The following CA8 variants were observed in gnomAD, a reference collection of about 807,000 sequenced individuals.
CA8 encodes carbonic anhydrase-related protein.
A neutral mutation model predicts 41.4 loss-of-function variants in CA8; 22 were observed. That is an observed-to-expected ratio of 0.53 (90% confidence interval 0.38 to 0.76). The LOEUF (loss-of-function observed/expected upper bound fraction) is 0.76, where lower values mean the gene tolerates loss of function less well. Among genes scored for constraint, CA8 ranks in the 30% least tolerant of loss-of-function variants. The pLI, the probability that CA8 is intolerant of heterozygous loss-of-function variation, is 0.00. For missense variants in CA8, 270 were observed against 352.8 expected (o/e 0.77, Z 1.88); for synonymous variants, 121 against 130.6 (o/e 0.93, Z 0.50).
intron 8 of CA8, 104 bp from the exon 9 acceptor site, chr8:60,190,089 A>C (rs1034707305): frequency 1.3e-5 from 2 of 151,960 alleles, no homozygotes; most frequent in African/African-American, 4.8e-5. Context: ...AAAAACTAAA[A>C]ATTTCATAAG....
chr8:60,275,459 AT>A (rs141813436), intron 2 of CA8, among the ~76,000 whole-genome samples: 3 of 147,356 alleles, frequency 2.0e-5, no homozygotes, highest in African/African-American at 7.6e-5. Context: ...TGGATGTTGT[AT>A]TTTTTTTAAA....
chr8:60,199,962 C>T (rs1200042326), intron 8 of CA8, among the ~76,000 whole-genome samples: 1 of 152,104 alleles, frequency 6.6e-6, no homozygotes, highest in Admixed American at 6.5e-5. Context: ...CAGTGTTTAC[C>T]TTTCTGTTAC....
rs535350919 is a variant in CA8 at position 60,243,674 on chromosome 8, C to T, written c.418-11295G>A. On this transcript the variant is annotated intron_variant, in intron 3 of 8. Transcript: ENST00000317995. ...TCTCACCATGTTCCCCACTAAATCA[C>T]GTTTTCGCCTGGGAGACCAGATCAC... 1.3e-3 allele frequency among the ~76,000 whole-genome samples: 197 copies of T among 152,254 alleles called. 3 individuals are homozygous for T. The highest frequency in any genetic ancestry group is 3.5e-3 in the South Asian group (17 of 4,818).
chr8:60,254,512 G>T (rs957890424), intron 3 of CA8, among the ~76,000 whole-genome samples: 9 of 152,302 alleles, frequency 5.9e-5, no homozygotes, highest in African/African-American at 1.9e-4. Context: ...AAGTTAATTA[G>T]GAACAATGCC....
At chr8:60,240,484 G>A (rs1807985329) in intron 3 of CA8, among the ~76,000 whole-genome samples, 1 of 152,184 alleles carries the variant, frequency 6.6e-6, no homozygotes, top group Non-Finnish European at 1.5e-5. Flanking sequence ...TTTTCTTAAT[G>A]GTTAAAAGTA....
At chr8:60,219,934 A>AAAAAAAAAAC (rs1807179700) in intron 7 of CA8, among the ~76,000 whole-genome samples, 2 of 98,276 alleles carry the variant, frequency 2.0e-5, no homozygotes, top group African/African-American at 3.3e-5. Context: ...TAACTTAAAA[A>AAAAAAAAAAC]AAAAAAAAAA....
chr8:60,260,512 GTC>G (rs1803697973), intron 3 of CA8, among the ~76,000 whole-genome samples: 1 of 152,168 alleles, frequency 6.6e-6, no homozygotes. Flanking sequence ...CCATTGTGTT[GTC>G]TCTCTGCAAC....
intron 1 of CA8, among the ~76,000 whole-genome samples, chr8:60,280,120 A>G (rs1008828575): frequency 6.6e-6 from 1 of 152,226 alleles, no homozygotes; most frequent in Non-Finnish European, 1.5e-5. Flanking sequence ...GTATTTGTCA[A>G]CAAAGACATA....
At position 60,265,980 on chromosome 8, in the gene CA8, C is replaced by T. The variant is rs553771087; in HGVS notation, c.362G>A (p.Arg121Lys). The T allele has an allele frequency of 6.2e-7, 1 of 1,614,086 alleles. No homozygotes were observed. The highest frequency in any genetic ancestry group is 1.3e-5 in the African/African-American group (1 of 75,064). ...ELYEVRFHWG[R>K]ENQRGSEHTV... ...GTGCTCAGAACCACGCTGGTTTTCTCTTCCCCAGTGAAATCTCACTTCGTA... is the reference window on the plus strand; with the variant it reads ...GTGCTCAGAACCACGCTGGTTTTCTTTTCCCCAGTGAAATCTCACTTCGTA... Residue 121 changes from arginine to lysine, a missense_variant, in exon 3 of 9, where the codon AGA becomes AAA. By Grantham distance (26) the Arg-to-Lys change is conservative. Around this residue, in one of 3 missense-constraint regions of CA8, gnomAD observed 6 missense variants for 24.5 expected, o/e 0.24. Coordinates refer to ENST00000317995, the MANE Select transcript of CA8 (RefSeq NM_004056.6).
rs184941151 is a variant in CA8 at position 60,219,240 on chromosome 8, C to A, written c.738+3409G>T. ...GTGGCACAATCTTGGCTCACTGCAA[C>A]CTCCACCACCCGGGTTCAAGCAATT... On this transcript the variant is annotated intron_variant, in intron 7 of 8. Coordinates refer to ENST00000317995, the MANE Select transcript of CA8 (RefSeq NM_004056.6). Among the ~76,000 whole-genome samples the A allele has an allele frequency of 4.4e-3, 673 of 151,806 alleles. 4 individuals are homozygous for A. The highest frequency in any genetic ancestry group is 0.015 in the African/African-American group (633 of 41,422).
Position 60,226,907 on chromosome 8 carries a change from G to T in CA8, c.542C>A (p.Ala181Asp). ...QIGKEHVGLK[A>D]VTEILQDIQY... is the part of the protein sequence containing the mutation. The stretch of plus-strand genomic sequence containing the variant: ...AATATCTTGGAGGATTTCAGTCACA[G>T]CCTTCAAGCCAACATGTTCCTTTCC... The change falls in exon 5 of 9, where the codon GCT (alanine) becomes GAT (aspartate). Residue 181 changes from alanine (A) to aspartate (D), a missense_variant. Coordinates refer to ENST00000317995, the MANE Select transcript of CA8 (RefSeq NM_004056.6). The T allele has an allele frequency of 6.2e-7, 1 of 1,603,242 alleles. No homozygotes were observed. The highest frequency in any genetic ancestry group is 8.5e-7 in the Non-Finnish European group (1 of 1,170,382).
At chr8:60,222,997 T>A (rs189249079) in intron 6 of CA8, among the ~76,000 whole-genome samples, 12 of 152,370 alleles carry the variant, frequency 7.9e-5, no homozygotes, top group African/African-American at 2.9e-4. Flanking sequence ...TTACTATAGA[T>A]ACCTGTCAAG....
chr8:60,269,864 G>C (rs978557285), intron 2 of CA8, among the ~76,000 whole-genome samples: 2 of 152,194 alleles, frequency 1.3e-5, no homozygotes, highest in African/African-American at 4.8e-5. Context: ...GGTAGCAGGA[G>C]GGCATCCAGC....
At position 60,281,376 on chromosome 8, in the gene CA8, C is replaced by G. The variant is rs1424398835; in HGVS notation, c.-229G>C. On this transcript the variant is annotated 5_prime_UTR_variant, in exon 1 of 9. Coordinates refer to ENST00000317995, the MANE Select transcript of CA8 (RefSeq NM_004056.6). ...TGGGAAGCGCGTCCGGAGGCCCCAG[C>G]AGAGCGAGGGAGCGGCTGTGGCCTG... 6 of 555,124 alleles carry G rather than the reference C, an allele frequency of 1.1e-5. 1 individual carries two copies. Among genetic ancestry groups the G allele is most frequent in the South Asian group, 8.1e-5 (4 of 49,450 alleles). 34.4% of individuals were successfully genotyped at this position (555,124 alleles called of 1,614,324 possible).
chr8:60,227,511 G>A (rs1053340426), intron 4 of CA8, among the ~76,000 whole-genome samples: 2 of 148,730 alleles, frequency 1.3e-5, no homozygotes, highest in Non-Finnish European at 3.0e-5. Flanking sequence ...GCTATATGTA[G>A]TATATCAAAT....
intron 3 of CA8, among the ~76,000 whole-genome samples, chr8:60,233,898 G>C (rs1807742908): frequency 6.6e-6 from 1 of 152,100 alleles, no homozygotes; most frequent in South Asian, 2.1e-4. Flanking sequence ...CCCTTCAAAA[G>C]CTGCTGCACA....
intron 1 of CA8, 120 bp downstream of exon 1, chr8:60,280,927 TG>T: frequency 1.4e-6 from 1 of 739,854 alleles, no homozygotes; most frequent in Non-Finnish European, 2.4e-6. Context: ...GAGACCCCCG[TG>T]GGAAAGAGGG....
rs929214031 is a variant in CA8, at chr8:60,189,313, T to G, written c.*708A>C. On this transcript the variant is annotated 3_prime_UTR_variant, in exon 9 of 9. Coordinates refer to ENST00000317995, the MANE Select transcript of CA8 (RefSeq NM_004056.6). ...TCCTATTTCTTACACCTTTCTCAAA[T>G]TCCTATTAAACCACAGCTTCGAATA... 2 of 152,168 alleles carry G rather than the reference T, an allele frequency of 1.3e-5. No individual in the cohort carries two copies. Among genetic ancestry groups the G allele is most frequent in the Non-Finnish European group, 2.9e-5 (2 of 68,016 alleles). The allele number at this position is 152,168 out of a possible 1,614,324, so 9.4% of individuals were successfully genotyped here.
At chr8:60,190,957 T>TATATATATATATATATATAC (rs1554573722) in intron 8 of CA8, among the ~76,000 whole-genome samples, 43 of 104,228 alleles carry the variant, frequency 4.1e-4, no homozygotes, top group African/African-American at 1.4e-3. Context: ...TATATATATA[T>TATATATATATATATATATAC]ACACACACAC....
Sources: allele counts gnomAD v4.1 joint callset (sites outside exome capture counted in the v4.1 genomes callset), GRCh38; gene constraint gnomAD v4.1.1; regional missense constraint gnomAD v4.1.1; transcripts MANE v1.5; gene names NCBI Gene and HGNC (gene_info 2026-07-23, HGNC 2026-07-21).